Variants in PCDHA6 observed in about 807,000 individuals in gnomAD.
PCDHA6 encodes the protein protocadherin alpha 6.
In PCDHA6, 55 loss-of-function variants were observed where a neutral mutation model predicts 60.3. The observed-to-expected ratio is 0.91, with a 90% CI of 0.73 to 1.14. PCDHA6 has a LOEUF of 1.14. PCDHA6 is among the 50% of genes most tolerant of loss of function. The pLI is 0.00. For synonymous variants in PCDHA6, 652 were observed against 557.9 expected, an observed-to-expected ratio of 1.17 and a Z score of -2.38; for missense variants, 1,327 against 1,256.5, an observed-to-expected ratio of 1.06 and a Z score of -0.85.
intron 1 of PCDHA6, chr5:140,854,159 C>CAA (rs59855104): frequency 0.094 from 31,914 of 338,462 alleles, 1,044 homozygotes; most frequent in African/African-American, 0.16. Flanking sequence ...GATTCTGTCT[C>CAA]AAAAAAAAAA....
chr5:140,828,235 C>A lies in PCDHA6; in HGVS notation c.144C>A (p.Ile48=). The A allele has an allele frequency of 6.2e-7, 1 of 1,613,970 alleles. No individual in the cohort carries two copies. The highest frequency in any genetic ancestry group is 2.2e-5 in the East Asian group (1 of 44,888). The change falls in exon 1 of 4, where the codon ATC becomes ATA. Residue 48 remains isoleucine, a synonymous_variant. Transcript: ENST00000529310. ...AACACGGCACCTTCGTGGGCCGGAT[C>A]GCGCAGGACCTGGGGCTGGAGCTGG... ...EAKHGTFVGR[I]AQDLGLELAE...
intron 1 of PCDHA6, chr5:140,927,096 G>A (rs1554204014): frequency 1.2e-6 from 2 of 1,612,778 alleles, no homozygotes; most frequent in Admixed American, 1.7e-5. Context: ...ACTTCGGGGT[G>A]GATCTACCCA....
chr5:140,868,001 TG>T (rs1353110164), intron 1 of PCDHA6: 4 of 152,120 alleles, frequency 2.6e-5, no homozygotes, highest in Non-Finnish European at 5.9e-5. Context: ...TGAATATAAC[TG>T]AATTAGATTA....
intron 1 of PCDHA6, chr5:140,884,429 C>G: frequency 6.2e-7 from 1 of 1,613,964 alleles, no homozygotes. Flanking sequence ...GTATACTGCG[C>G]TGCGGTGCTC....
intron 1 of PCDHA6, among the ~76,000 whole-genome samples, chr5:140,939,276 C>T (rs146183157): frequency 6.6e-6 from 1 of 152,174 alleles, no homozygotes; most frequent in Non-Finnish European, 1.5e-5. Flanking sequence ...GAGAGCTGTG[C>T]CCTCGTGATC....
Position 140,849,328 on chromosome 5 carries a change from T to C in PCDHA6, c.2394+18843T>C, listed in dbSNP as rs2150435086. ...GACGAAGGCTTGAATGGGGATATTA[T>C]TTACTCCTTCTCCAGTGATGTTTCT... is the stretch of plus-strand genomic sequence containing the variant. On this transcript the variant is annotated intron_variant, in intron 1 of 3. Transcript: ENST00000529310. 1,235 of 1,370,890 alleles carry C rather than the reference T, an allele frequency of 9.0e-4. 32 individuals carry two copies. In the African/African-American group the frequency reaches 0.018, roughly 20 times the overall value. 84.9% of individuals were successfully genotyped at this position (1,370,890 alleles called of 1,614,324 possible). A position where few individuals can be genotyped will look rare whatever the true frequency, so the allele number is the denominator to read the frequency against.
chr5:140,879,100 T>C (rs2057854721), intron 1 of PCDHA6, among the ~76,000 whole-genome samples: 1 of 152,190 alleles, frequency 6.6e-6, no homozygotes, highest in African/African-American at 2.4e-5. Context: ...CTGCACAGTA[T>C]ATGGTGTAAT....
intron 1 of PCDHA6, chr5:140,881,263 G>A: frequency 1.7e-6 from 1 of 575,868 alleles, no homozygotes; most frequent in Non-Finnish European, 2.2e-6. Flanking sequence ...TTTACTCAGT[G>A]ATGATGAAGT....
intron 1 of PCDHA6, among the ~76,000 whole-genome samples, chr5:140,961,629 A>G (rs970820292): frequency 6.6e-6 from 1 of 152,162 alleles, no homozygotes; most frequent in Non-Finnish European, 1.5e-5. Flanking sequence ...CATATGAAAA[A>G]CAATCTTAAG....
intron 1 of PCDHA6, among the ~76,000 whole-genome samples, chr5:140,846,496 T>C (rs1780511719): frequency 6.9e-6 from 1 of 143,918 alleles, no homozygotes; most frequent in Non-Finnish European, 1.5e-5. Flanking sequence ...TTCCTCAGCC[T>C]CCCAAGTAGC....
At chr5:140,953,227 G>A (rs269546) in intron 1 of PCDHA6, among the ~76,000 whole-genome samples, 34,007 of 151,960 alleles carry the variant, frequency 0.22, 4,902 homozygotes, top group African/African-American at 0.41. Flanking sequence ...GCTTCTGCTT[G>A]GTAGCAGTTC....
At chr5:140,863,248 G>T (rs782700291) in intron 1 of PCDHA6, 54 of 1,395,948 alleles carry the variant, frequency 3.9e-5, no homozygotes, top group Middle Eastern at 1.9e-4. Flanking sequence ...TTTGGCGGGC[G>T]TCGAGGTCCG....
intron 1 of PCDHA6, chr5:140,877,898 A>G: frequency 6.9e-7 from 1 of 1,445,150 alleles, no homozygotes. Context: ...CGTTTAGGTT[A>G]TAACTACATT....
At chr5:140,883,141 T>C (rs975281074) in intron 1 of PCDHA6, 5 of 1,614,092 alleles carry the variant, frequency 3.1e-6, no homozygotes, top group Non-Finnish European at 4.2e-6. Flanking sequence ...CAGTGGTATA[T>C]GCATTTACCA....
chr5:140,912,318 C>T (rs1554195270), intron 1 of PCDHA6, among the ~76,000 whole-genome samples: 2 of 151,536 alleles, frequency 1.3e-5, no homozygotes, highest in East Asian at 1.9e-4. Context: ...CAAGTTGACC[C>T]TCAGTATTAA....
chr5:140,876,092 A>C, intron 1 of PCDHA6: 2 of 1,613,948 alleles, frequency 1.2e-6, no homozygotes, highest in Non-Finnish European at 1.7e-6. Context: ...CAAACGCCAA[A>C]ACTCAATTTA....
At chr5:140,926,296 G>A in intron 1 of PCDHA6, 1 of 152,316 alleles carries the variant, frequency 6.6e-6, no homozygotes, top group Non-Finnish European at 1.5e-5. Context: ...GCTGAGTCCC[G>A]CCCTCTCCGC....
chr5:140,966,903 A>G (rs1554228870), intron 1 of PCDHA6: 2 of 1,599,926 alleles, frequency 1.3e-6, no homozygotes, highest in South Asian at 2.2e-5. Context: ...CAGCTGCGAT[A>G]CTCTGTGCCA....
chr5:140,845,010 T>G (rs2150375748), intron 1 of PCDHA6, among the ~76,000 whole-genome samples: 12 of 149,368 alleles, frequency 8.0e-5, no homozygotes, highest in Non-Finnish European at 1.0e-4. Context: ...GAACAAATAA[T>G]GTAATCATTT....
Sources: gnomAD v4.1 joint callset for allele counts (sites outside exome capture counted in the v4.1 genomes callset) on GRCh38, gnomAD v4.1.1 for gene constraint, MANE v1.5 for transcripts, NCBI Gene and HGNC (gene_info 2026-07-23, HGNC 2026-07-21) for gene names.